ALOX12: variants seen among roughly 807,000 people sequenced by gnomAD.
ALOX12 encodes the protein polyunsaturated fatty acid lipoxygenase ALOX12.
Under a neutral mutation model 85.5 loss-of-function variants are expected in ALOX12, and 62 were observed. That is an observed-to-expected ratio of 0.73 (90% CI 0.59 to 0.90). The LOEUF (loss-of-function observed/expected upper bound fraction) is 0.90. ALOX12 is among the 40% of genes least tolerant of loss of function. The pLI, the probability that ALOX12 is intolerant of heterozygous loss-of-function variation, is 0.00. For synonymous variants in ALOX12, 299 were observed against 332.7 expected (o/e 0.90, Z 1.10); for missense variants, 751 against 856.5 (o/e 0.88, Z 1.54).
chr17:7,010,208 T>C, intron 13 of ALOX12, 36 bp from the exon 14 acceptor site: 1 of 1,603,408 alleles, frequency 6.2e-7, no homozygotes, highest in Non-Finnish European at 8.5e-7. Flanking sequence ...GGTGCGTTTG[T>C]CTTTAGAAAC....
In ALOX12 at chr17:7,005,977, A is replaced by C; in HGVS notation, c.1368A>C (p.Pro456=). 6.3e-7 allele frequency: 1 copy of C among 1,591,786 alleles called. No individual in the cohort carries two copies. Among genetic ancestry groups the C allele is most frequent in the East Asian group, 2.3e-5 (1 of 43,070 alleles). Residue 456 remains proline (P), a synonymous_variant, in exon 10 of 14, where the codon CCA becomes CCC. Coordinates refer to ENST00000251535, the MANE Select transcript of ALOX12 (RefSeq NM_000697.3). ...DLADRGLLGL[P]GALYAHDALR... is the part of the protein sequence containing the mutation. ...CTGACCGGGGCCTGCTGGGACTCCC[A>C]GGTGCTCTCTATGCCCATGATGCTT... is the stretch of plus-strand genomic sequence containing the variant.
Position 7,006,014 on chromosome 17 carries a change from G to A in ALOX12, c.1405G>A (p.Glu469Lys), listed in dbSNP as rs1481532215. Residue 469 changes from glutamate (E) to lysine (K), a missense_variant, in exon 10 of 14, where the codon GAG (glutamate) becomes AAG (lysine). By Grantham distance (56) the Glu-to-Lys change is moderately conservative. Transcript: ENST00000251535. ...LYAHDALRLW[E>K]IIARYVEGIV... ...TGCCCATGATGCTTTACGGCTCTGG[G>A]AGATCATTGCCAGGTGAGTAAGGAG... 12 of 1,481,148 alleles carry A rather than the reference G, an allele frequency of 8.1e-6. No individual in the cohort carries two copies. Among genetic ancestry groups the A allele is most frequent in the Admixed American group, 1.9e-5 (1 of 53,912 alleles). The allele number at this position is 1,481,148 out of a possible 1,614,324, so 91.8% of individuals were successfully genotyped here.
In ALOX12 at chr17:7,000,241, T is replaced by A; in HGVS notation, c.808-95T>A. 7.0e-7 allele frequency: 1 copy of A among 1,437,006 alleles called. No homozygotes were observed. The highest frequency in any genetic ancestry group is 1.9e-5 in the Admixed American group (1 of 53,990). The allele number at this position is 1,437,006 out of a possible 1,614,324, so 89.0% of individuals were successfully genotyped here. A position where few individuals can be genotyped will look rare whatever the true frequency, so the allele number is the denominator to read the frequency against. ...GGGCTCCGGTACTGATGCAGGAGAA[T>A]GGCAAGAAGCTAGACTAAATCTCTT... On this transcript the variant is annotated intron_variant, in intron 6 of 13. Transcript: ENST00000251535. The surrounding 1 kb of genome is among the most constrained non-coding windows in gnomAD (Gnocchi z 4.6).
In ALOX12 at chr17:7,009,843, G is replaced by A. The variant is rs1414874093; in HGVS notation, c.1637G>A (p.Gly546Asp). 1 of 1,614,190 alleles carries A rather than the reference G, an allele frequency of 6.2e-7. No homozygotes were observed. Among genetic ancestry groups the A allele is most frequent in the Admixed American group, 1.7e-5 (1 of 60,022 alleles). ...CTAQHAAINQ[G>D]QLDWYAWVPN... ...GCCCAGCATGCCGCCATCAACCAGG[G>A]CCAGGTATGGACAGCTGAAAGCCCA... The change falls in exon 12 of 14, where the codon GGC becomes GAC. Residue 546 changes from glycine (G) to aspartate (D), a missense_variant. By Grantham distance (94) the Gly-to-Asp change is moderately conservative. Coordinates refer to ENST00000251535, the MANE Select transcript of ALOX12 (RefSeq NM_000697.3).
At position 7,000,963 on chromosome 17, in the gene ALOX12, T is replaced by TC. The variant is rs907204379; in HGVS notation, c.951+484_951+485insC. Among the ~76,000 whole-genome samples the TC allele has an allele frequency of 5.9e-5, 9 of 151,804 alleles. No homozygotes were observed. The highest frequency in any genetic ancestry group is 1.5e-5 in the Non-Finnish European group (1 of 67,966). On this transcript the variant is annotated intron_variant, in intron 7 of 13. Coordinates refer to ENST00000251535, the MANE Select transcript of ALOX12 (RefSeq NM_000697.3). This position sits in a 1 kb window ranked among gnomAD's most constrained non-coding sequence, Gnocchi z 4.6. ...TTTTCTCGCAATTTCTTTTTTTTTT[T>TC]TGAGACAGAATCTCACTGTGTCACT... is the stretch of plus-strand genomic sequence containing the variant.
intron 3 of ALOX12, 57 bp downstream of exon 3, chr17:6,998,647 C>T: frequency 6.2e-7 from 1 of 1,609,328 alleles, no homozygotes; most frequent in Non-Finnish European, 8.5e-7. Flanking sequence ...CTTCCCTGCC[C>T]CTGCCCCTGC....
Position 6,996,897 on chromosome 17 carries a change from C to G in ALOX12, c.207C>G (p.His69Gln). 6.2e-7 allele frequency: 1 copy of G among 1,613,980 alleles called. No homozygotes were observed. Among genetic ancestry groups the G allele is most frequent in the Non-Finnish European group, 8.5e-7 (1 of 1,179,900 alleles). Residue 69 changes from histidine to glutamine, a missense_variant, in exon 2 of 14, where the codon CAC (histidine) becomes CAG (glutamine). His to Gln is a conservative substitution (Grantham distance 24). Transcript: ENST00000251535. Reference protein sequence around the residue: ...LLQFVRLRKHHWLVDDAWFCD... With the variant: ...LLQFVRLRKHQWLVDDAWFCD... ...AGTTCGTGAGGCTGCGCAAGCACCACTGGCTGGTGGACGACGCGTGGTTCT... is the reference window on the plus strand; with the variant it reads ...AGTTCGTGAGGCTGCGCAAGCACCAGTGGCTGGTGGACGACGCGTGGTTCT...
Position 6,999,376 on chromosome 17 carries a change from G to C in ALOX12, c.717G>C (p.Met239Ile). The C allele has an allele frequency of 1.2e-6, 2 of 1,614,222 alleles. No individual in the cohort carries two copies. Among genetic ancestry groups the C allele is most frequent in the Non-Finnish European group, 1.7e-6 (2 of 1,180,038 alleles). The change falls in exon 6 of 14, where the codon ATG (methionine) becomes ATC (isoleucine). Residue 239 changes from methionine to isoleucine, a missense_variant. Transcript: ENST00000251535. ...SYQFLNGANP[M>I]LLRRSTSLPS... The stretch of plus-strand genomic sequence containing the variant: ...AGTTCCTCAATGGTGCCAACCCCAT[G>C]CTGTTGAGACGCTCGACCTCTCTGC...
chr17:7,010,147 G>A, intron 13 of ALOX12, 21 bp downstream of exon 13: 1 of 1,603,878 alleles, frequency 6.2e-7, no homozygotes, highest in Non-Finnish European at 8.5e-7. Context: ...ACTCTCGGGA[G>A]AGGGAAATGA....
In ALOX12 at chr17:7,000,535, T is replaced by C; in HGVS notation, c.951+56T>C. The stretch of plus-strand genomic sequence containing the variant: ...GCACTCTGTTCACCTCAACCTCTGC[T>C]CCCAGGGACCCAACCCCCAGCTCTT... On this transcript the variant is annotated intron_variant, in intron 7 of 13. Transcript: ENST00000251535. This position sits in a 1 kb window ranked among gnomAD's most constrained non-coding sequence, Gnocchi z 4.6. The C allele has an allele frequency of 6.3e-7, 1 of 1,588,702 alleles. No individual in the cohort carries two copies. The highest frequency in any genetic ancestry group is 1.1e-5 in the South Asian group (1 of 88,798).
rs901394616 is a variant in ALOX12, at chr17:7,010,608, T to C, written c.*185T>C. On this transcript the variant is annotated 3_prime_UTR_variant, in exon 14 of 14. Transcript: ENST00000251535. ...AACTTTCTCTGCAAAGACTAGATCC[T>C]TTTTTACGCTTTGCAGACCGCATAG... 25 of 674,924 alleles carry C rather than the reference T, an allele frequency of 3.7e-5. 1 individual carries two copies. Among genetic ancestry groups the C allele is most frequent in the Non-Finnish European group, 5.4e-5 (23 of 426,634 alleles). 41.8% of individuals were successfully genotyped at this position (674,924 alleles called of 1,614,324 possible).
chr17:7,010,440 A>C lies in ALOX12; in HGVS notation c.*17A>C, dbSNP rs1909332953. 1 of 1,603,260 alleles carries C rather than the reference A, an allele frequency of 6.2e-7. No homozygotes were observed. The highest frequency in any genetic ancestry group is 1.1e-5 in the South Asian group (1 of 89,760). On this transcript the variant is annotated 3_prime_UTR_variant, in exon 14 of 14. Coordinates refer to ENST00000251535, the MANE Select transcript of ALOX12 (RefSeq NM_000697.3). ...ACCATCTGAGCCCTAGAGTGACTCTACCTGCAAGATTTCACATCAGCTTTA... is the reference window on the plus strand; with the variant it reads ...ACCATCTGAGCCCTAGAGTGACTCTCCCTGCAAGATTTCACATCAGCTTTA...
At chr17:7,005,364 G>A (rs1446105708) in intron 9 of ALOX12, 21 bp downstream of exon 9, 1 of 1,582,978 alleles carries the variant, frequency 6.3e-7, no homozygotes, top group Admixed American at 1.7e-5. Context: ...TACGGGGCAT[G>A]GGACTGCCTC....
intron 5 of ALOX12, 94 bp from the exon 6 acceptor site, chr17:6,999,212 A>G: frequency 6.4e-7 from 1 of 1,552,516 alleles, no homozygotes. Flanking sequence ...AGCTGGGTTC[A>G]GGGAGGGTTA....
chr17:6,997,065 C>A (rs991905210), intron 2 of ALOX12, 38 bp downstream of exon 2: 3 of 1,504,026 alleles, frequency 2.0e-6, no homozygotes, highest in Non-Finnish European at 2.7e-6. Context: ...CACAAGGTCT[C>A]GGGAACTGCT....
rs1228677179 is a variant in ALOX12, at chr17:7,005,795, T to G, written c.1249-63T>G. The G allele has an allele frequency of 3.2e-6, 5 of 1,551,744 alleles. No individual in the cohort carries two copies. The African/African-American group carries it at 5.4e-5, about 17-fold the overall frequency. On this transcript the variant is annotated intron_variant, in intron 9 of 13. Transcript: ENST00000251535. ...AAAATCCCACATTTGCCCCACTTTA[T>G]GGAAGATGTGTTGGTTCTCCAGCCC... is the stretch of plus-strand genomic sequence containing the variant.
chr17:7,005,454 T>G, intron 9 of ALOX12, 111 bp downstream of exon 9: 5 of 756,196 alleles, frequency 6.6e-6, no homozygotes, highest in African/African-American at 1.8e-5. Flanking sequence ...CCTATGAACC[T>G]GTCCCTTTTA....
chr17:7,005,795 T>A, intron 9 of ALOX12, 63 bp from the exon 10 acceptor site: 2 of 1,551,860 alleles, frequency 1.3e-6, no homozygotes, highest in Non-Finnish European at 1.7e-6. Flanking sequence ...CCCCACTTTA[T>A]GGAAGATGTG....
chr17:7,006,012 G>A lies in ALOX12; in HGVS notation c.1403G>A (p.Trp468Ter). Residue 468 changes from tryptophan (W) to a stop codon, truncating the protein, a stop_gained, in exon 10 of 14, where the codon TGG becomes TAG. Coordinates refer to ENST00000251535, the MANE Select transcript of ALOX12 (RefSeq NM_000697.3). LOFTEE classifies it high-confidence loss of function. ...TATGCCCATGATGCTTTACGGCTCT[G>A]GGAGATCATTGCCAGGTGAGTAAGG... ...ALYAHDALRLWEIIARYVEGI... is the reference protein window; with the variant it reads ...ALYAHDALRL 6.6e-7 allele frequency: 1 copy of A among 1,510,272 alleles called. No homozygotes were observed. The highest frequency in any genetic ancestry group is 2.8e-5 in the East Asian group (1 of 35,666). 93.6% of individuals were successfully genotyped at this position (1,510,272 alleles called of 1,614,324 possible). A position where few individuals can be genotyped will look rare whatever the true frequency, so the allele number is the denominator to read the frequency against.
Sources: gnomAD v4.1 joint callset for allele counts (sites outside exome capture counted in the v4.1 genomes callset) on GRCh38, gnomAD v4.1.1 for gene constraint, Gnocchi (gnomAD v3.1) non-coding constraint, MANE v1.5 for transcripts, NCBI Gene and HGNC (gene_info 2026-07-23, HGNC 2026-07-21) for gene names.